NNT: variants seen among roughly 807,000 people sequenced by gnomAD.
The protein encoded by NNT is nicotinamide nucleotide transhydrogenase, also known as NAD(P) transhydrogenase, mitochondrial.
Under a neutral mutation model 104.8 loss-of-function variants are expected in NNT, and 50 were observed. The ratio of observed to expected loss-of-function variants is 0.48; its 90% CI spans 0.38 to 0.60. The LOEUF (loss-of-function observed/expected upper bound fraction) is 0.60, where lower values mean the gene tolerates loss of function less well. Among genes scored for constraint, NNT ranks in the 20% least tolerant of loss-of-function variants. The probability of loss-of-function intolerance (pLI) is 0.00; values close to 1 mark genes in which losing one functional copy is unlikely to be tolerated. For missense variants in NNT, 1,131 were observed against 1,330.7 expected, an observed-to-expected ratio of 0.85 and a Z score of 2.33; for synonymous variants, 461 against 490.4, an observed-to-expected ratio of 0.94 and a Z score of 0.79.
intron 17 of NNT, among the ~76,000 whole-genome samples, chr5:43,666,033 TG>T (rs1324999203): frequency 6.8e-6 from 1 of 146,542 alleles, no homozygotes; most frequent in African/African-American, 2.5e-5. Flanking sequence ...TCCCAGACGA[TG>T]GGCGGCCGGG....
intron 7 of NNT, 125 bp downstream of exon 7, chr5:43,628,512 A>G (rs1750488405): frequency 1.5e-6 from 1 of 651,722 alleles, no homozygotes; most frequent in Admixed American, 3.2e-5. Context: ...TTTCTATTAT[A>G]AAAGTACTAG....
chr5:43,699,995 C>T (rs1742765803), intron 19 of NNT, 124 bp from the exon 20 acceptor site: 9 of 657,164 alleles, frequency 1.4e-5, no homozygotes, highest in Non-Finnish European at 2.2e-5. Flanking sequence ...CTGTAGAGAT[C>T]AGATAGTACC....
chr5:43,666,546 A>G (rs1314877262), intron 17 of NNT, among the ~76,000 whole-genome samples: 2 of 147,230 alleles, frequency 1.4e-5, no homozygotes, highest in Admixed American at 6.8e-5. Flanking sequence ...GCGACAGTAC[A>G]GTCCAGCCTC....
Position 43,706,754 on chromosome 5 carries a change from A to C in NNT, c.*2350A>C, listed in dbSNP as rs1180699720. ...CATCAATGATAGACTTGATTAAGAA[A>C]ATGTGCACATATACACCATGGAATA... On this transcript the variant is annotated 3_prime_UTR_variant, in exon 22 of 22. Coordinates refer to ENST00000344920, the MANE Select transcript of NNT (RefSeq NM_182977.3). 1 of 152,250 alleles carries C rather than the reference A, an allele frequency of 6.6e-6. No individual in the cohort carries two copies. The highest frequency in any genetic ancestry group is 1.5e-5 in the Non-Finnish European group (1 of 68,044). The allele number at this position is 152,250 out of a possible 1,614,324, so 9.4% of individuals were successfully genotyped here. A position where few individuals can be genotyped will look rare whatever the true frequency, so the allele number is the denominator to read the frequency against.
chr5:43,695,119 T>C (rs949569891), intron 19 of NNT, among the ~76,000 whole-genome samples: 2 of 152,212 alleles, frequency 1.3e-5, no homozygotes, highest in Admixed American at 6.5e-5. Context: ...ATCTGTCATT[T>C]GATGTATTTT....
intron 5 of NNT, among the ~76,000 whole-genome samples, chr5:43,623,277 G>T (rs1750188757): frequency 6.6e-6 from 1 of 152,162 alleles, no homozygotes; most frequent in South Asian, 2.1e-4. Context: ...GGAACAAAGT[G>T]TTGCTTTCAA....
intron 5 of NNT, among the ~76,000 whole-genome samples, chr5:43,622,576 TTC>T (rs1260463403): frequency 6.6e-6 from 1 of 152,182 alleles, no homozygotes; most frequent in Non-Finnish European, 1.5e-5. Context: ...CCCGTACTAT[TTC>T]TTGAGCATAT....
rs982967421 is a variant in NNT, at chr5:43,666,791, C to T, written c.2634+7441C>T. ...TACTCTGAAGGCTTTGTAGGGGCCTCGGTACCTTTGGGAGCCTGAGCTGGA... is the reference window on the plus strand; with the variant it reads ...TACTCTGAAGGCTTTGTAGGGGCCTTGGTACCTTTGGGAGCCTGAGCTGGA... On this transcript the variant is annotated intron_variant, in intron 17 of 21. Transcript: ENST00000344920. 2.2e-4 allele frequency: 292 copies of T among 1,309,850 alleles called. 1 individual carries two copies. The highest frequency in any genetic ancestry group is 3.0e-4 in the Admixed American group (16 of 53,818). 81.1% of individuals were successfully genotyped at this position (1,309,850 alleles called of 1,614,324 possible). A position where few individuals can be genotyped will look rare whatever the true frequency, so the allele number is the denominator to read the frequency against.
chr5:43,671,779 G>C (rs1259775819), intron 17 of NNT, among the ~76,000 whole-genome samples: 1 of 152,084 alleles, frequency 6.6e-6, no homozygotes, highest in Non-Finnish European at 1.5e-5. Context: ...TGCTCTTCTT[G>C]AGGAGTATCT....
Position 43,705,286 on chromosome 5 carries a change from C to T in NNT, c.*882C>T, listed in dbSNP as rs2112275935. On this transcript the variant is annotated 3_prime_UTR_variant, in exon 22 of 22. Coordinates refer to ENST00000344920, the MANE Select transcript of NNT (RefSeq NM_182977.3). ...AAAAGAGTAAAATCAAATATTTCTG[C>T]CTGTTACAAATATCAAGGAAGACCT... 6.6e-6 allele frequency: 1 copy of T among 152,164 alleles called. No individual in the cohort carries two copies. The highest frequency in any genetic ancestry group is 2.4e-5 in the African/African-American group (1 of 41,532). The allele number at this position is 152,164 out of a possible 1,614,324, so 9.4% of individuals were successfully genotyped here. A position where few individuals can be genotyped will look rare whatever the true frequency, so the allele number is the denominator to read the frequency against.
At chr5:43,656,590 A>G in intron 15 of NNT, 63 bp from the exon 16 acceptor site, 5 of 1,436,612 alleles carry the variant, frequency 3.5e-6, no homozygotes, top group Non-Finnish European at 4.7e-6. Context: ...ATTCACAGAA[A>G]TGAACTTTAT....
intron 17 of NNT, among the ~76,000 whole-genome samples, chr5:43,673,562 A>G (rs1004135467): frequency 1.6e-4 from 25 of 152,254 alleles, no homozygotes; most frequent in Non-Finnish European, 2.2e-4. Flanking sequence ...TCAGAACTGT[A>G]TAATTCAAAA....
In NNT at chr5:43,645,492, G is replaced by A; in HGVS notation, c.1426G>A (p.Ala476Thr). 4 of 1,546,144 alleles carry A rather than the reference G, an allele frequency of 2.6e-6. No homozygotes were observed. Among genetic ancestry groups the A allele is most frequent in the Admixed American group, 1.9e-5 (1 of 53,196 alleles). ...ITPFRKTMSTASAYTAGLTGI... is the reference protein window; with the variant it reads ...ITPFRKTMSTTSAYTAGLTGI... ...ACCCTTCAGGAAGACAATGTCAACG[G>A]CTTCTGCATATACAGCAGGTGAGGA... is the stretch of plus-strand genomic sequence containing the variant. The change falls in exon 10 of 22, where the codon GCT (alanine) becomes ACT (threonine). Residue 476 changes from alanine to threonine, a missense_variant. Ala to Thr is a moderately conservative substitution (Grantham distance 58, BLOSUM62 0). Transcript: ENST00000344920.
intron 2 of NNT, 145 bp downstream of exon 2, chr5:43,609,491 A>T: frequency 2.8e-6 from 2 of 726,310 alleles, no homozygotes; most frequent in South Asian, 4.3e-5. Context: ...AGTAAGTGCT[A>T]TCTTGTATTT....
intron 7 of NNT, 50 bp from the exon 8 acceptor site, chr5:43,644,142 G>T (rs780924632): frequency 4.8e-5 from 73 of 1,513,684 alleles, no homozygotes; most frequent in Middle Eastern, 4.4e-4. Context: ...AGACTTTAAG[G>T]TGTTAGAAAA....
chr5:43,631,275 G>A (rs575691053), intron 7 of NNT, among the ~76,000 whole-genome samples: 4 of 152,194 alleles, frequency 2.6e-5, no homozygotes, highest in East Asian at 1.9e-4. Flanking sequence ...GACAAACCCC[G>A]GACCCAGGAT....
intron 3 of NNT, chr5:43,613,401 G>T: frequency 2.7e-6 from 1 of 365,918 alleles, no homozygotes; most frequent in Non-Finnish European, 5.0e-6. Context: ...CTTTTAATTG[G>T]CTAGGAAAAA....
At position 43,695,187 on chromosome 5, in the gene NNT, A is replaced by G. The variant is rs1349847495; in HGVS notation, c.2877-4932A>G. 2.2e-4 allele frequency among the ~76,000 whole-genome samples: 33 copies of G among 152,190 alleles called. 1 individual carries two copies. Among genetic ancestry groups the G allele is most frequent in the Non-Finnish European group, 1.5e-5 (1 of 68,030 alleles). On this transcript the variant is annotated intron_variant, in intron 19 of 21. Transcript: ENST00000344920. The stretch of plus-strand genomic sequence containing the variant: ...AGAGTCTTCATTATTAGCTTTAAAG[A>G]TGTCGAAAACAATTTCTCACTTGTC...
chr5:43,623,474 C>T (rs973707845), intron 5 of NNT, among the ~76,000 whole-genome samples: 5 of 152,130 alleles, frequency 3.3e-5, no homozygotes, highest in East Asian at 1.9e-4. Flanking sequence ...TTCAGACTTA[C>T]GGAGAGTTGC....
Sources: allele counts gnomAD v4.1 joint callset (sites outside exome capture counted in the v4.1 genomes callset), GRCh38; gene constraint gnomAD v4.1.1; transcripts MANE v1.5; gene names NCBI Gene and HGNC (gene_info 2026-07-23, HGNC 2026-07-21).